Variants in WDR7 observed in about 807,000 individuals in gnomAD.
The protein encoded by WDR7 is WD repeat-containing protein 7.
In WDR7, 46 loss-of-function variants were observed where a neutral mutation model predicts 169.4. The ratio of observed to expected loss-of-function variants is 0.27; its 90% CI spans 0.21 to 0.35. The LOEUF is 0.35. Among genes scored for constraint, WDR7 ranks in the 10% least tolerant of loss-of-function variants. The pLI is 1.00. For missense variants in WDR7, 1,534 were observed against 1,859.3 expected (o/e 0.83, Z 3.22); for synonymous variants, 612 against 666.8 (o/e 0.92, Z 1.27).
In WDR7 at chr18:56,785,154, C is replaced by T. The variant is rs116541123; in HGVS notation, c.3190+3498C>T. On this transcript the variant is annotated intron_variant, in intron 19 of 27. Transcript: ENST00000254442. ...GCTTACAACAAATGAGGAATGACCA[C>T]ATAGGGCTGTTGAACAGATTTGCTG... Among the ~76,000 whole-genome samples, 132 of 152,284 alleles carry T rather than the reference C, an allele frequency of 8.7e-4. No individual in the cohort carries two copies. The East Asian group carries it at 8.7e-3, about 10-fold the overall frequency.
intron 20 of WDR7, among the ~76,000 whole-genome samples, chr18:56,832,837 C>A (rs1198216339): frequency 6.6e-6 from 1 of 152,100 alleles, no homozygotes. Flanking sequence ...CTGAAGGTCA[C>A]CAACAGAAAA....
At chr18:56,799,869 G>A (rs1367428313) in intron 19 of WDR7, among the ~76,000 whole-genome samples, 1 of 152,152 alleles carries the variant, frequency 6.6e-6, no homozygotes, top group African/African-American at 2.4e-5. Flanking sequence ...CTCTGTAAGA[G>A]TAATTGATCT....
chr18:56,662,915 C>T (rs2024935812), intron 1 of WDR7, among the ~76,000 whole-genome samples: 1 of 152,170 alleles, frequency 6.6e-6, no homozygotes, highest in Non-Finnish European at 1.5e-5. Context: ...TTAGCCTGTT[C>T]AGGCTGCCAT....
At chr18:56,688,192 A>G (rs924253298) in intron 7 of WDR7, among the ~76,000 whole-genome samples, 3 of 152,106 alleles carry the variant, frequency 2.0e-5, no homozygotes, top group Admixed American at 6.5e-5. Flanking sequence ...TCTCATTACT[A>G]CTATGCTGTA....
intron 26 of WDR7, among the ~76,000 whole-genome samples, chr18:56,977,062 T>G (rs1599212465): frequency 6.6e-6 from 1 of 152,344 alleles, no homozygotes; most frequent in East Asian, 1.9e-4. Context: ...TAAAGCAGCT[T>G]CTTTGCCTGT....
chr18:56,743,095 G>A (rs77699334), intron 14 of WDR7, among the ~76,000 whole-genome samples: 1,877 of 152,256 alleles, frequency 0.012, 47 homozygotes, highest in African/African-American at 0.041. Context: ...CTTAGGTATG[G>A]GTGGTAAGGA....
intron 26 of WDR7, among the ~76,000 whole-genome samples, chr18:56,975,400 G>A (rs1397314704): frequency 6.6e-6 from 1 of 152,048 alleles, no homozygotes; most frequent in Non-Finnish European, 1.5e-5. Context: ...TTTTGTTTTT[G>A]TTATGCCTGA....
chr18:56,951,584 A>G, intron 25 of WDR7, among the ~76,000 whole-genome samples: 1 of 152,294 alleles, frequency 6.6e-6, no homozygotes, highest in South Asian at 2.1e-4. Flanking sequence ...CAGAATATAT[A>G]TAATTCCCTA....
At chr18:56,764,231 T>G (rs77596714) in intron 16 of WDR7, among the ~76,000 whole-genome samples, 4,737 of 152,292 alleles carry the variant, frequency 0.031, 110 homozygotes, top group Middle Eastern at 0.13. Context: ...CATATTGTAC[T>G]TTTAATTTTC....
chr18:56,740,075 G>A (rs550715520), intron 14 of WDR7, among the ~76,000 whole-genome samples: 14 of 151,750 alleles, frequency 9.2e-5, no homozygotes, highest in African/African-American at 2.4e-4. Context: ...ATTGTTTTTC[G>A]TAGGTTTCAT....
intron 21 of WDR7, among the ~76,000 whole-genome samples, chr18:56,900,084 A>G (rs3982416): frequency 8.7e-3 from 90 of 10,372 alleles, no homozygotes; most frequent in South Asian, 0.024. Context: ...GTGTGTGTGT[A>G]TATATATATA....
chr18:56,751,145 T>A (rs2043784650), intron 14 of WDR7, among the ~76,000 whole-genome samples: 1 of 152,158 alleles, frequency 6.6e-6, no homozygotes, highest in Non-Finnish European at 1.5e-5. Context: ...GAAGCTCTAA[T>A]AAGAGGAATC....
At chr18:56,872,273 A>G (rs1435991390) in intron 20 of WDR7, among the ~76,000 whole-genome samples, 1 of 152,180 alleles carries the variant, frequency 6.6e-6, no homozygotes, top group African/African-American at 2.4e-5. Flanking sequence ...GCCAATTAAC[A>G]TGATCTTTAG....
intron 22 of WDR7, among the ~76,000 whole-genome samples, chr18:56,926,220 A>G (rs572776356): frequency 6.6e-6 from 1 of 152,306 alleles, no homozygotes; most frequent in African/African-American, 2.4e-5. Flanking sequence ...TGCCTATAGT[A>G]CGAGGCAGCT....
At chr18:56,682,881 T>G (rs1373392561) in intron 5 of WDR7, 28 bp downstream of exon 5, 1 of 1,596,110 alleles carries the variant, frequency 6.3e-7, no homozygotes, top group Non-Finnish European at 8.5e-7. Context: ...GTTAGGAGCT[T>G]TAGCACCATG....
intron 19 of WDR7, among the ~76,000 whole-genome samples, chr18:56,801,535 A>G (rs2044672304): frequency 6.6e-6 from 1 of 152,236 alleles, no homozygotes; most frequent in African/African-American, 2.4e-5. Context: ...TAAATGGTCA[A>G]ATATCCATCA....
rs190219820 is a variant in WDR7 at position 56,854,135 on chromosome 18, C to A, written c.3305-25809C>A. On this transcript the variant is annotated intron_variant, in intron 20 of 27. Coordinates refer to ENST00000254442, the MANE Select transcript of WDR7 (RefSeq NM_015285.3). ...TTGACTAAATGTACGGGGATTTCTCCCCTCCAGCAAGCAAACAATCAGTTC... is the reference window on the plus strand; with the variant it reads ...TTGACTAAATGTACGGGGATTTCTCACCTCCAGCAAGCAAACAATCAGTTC... Among the ~76,000 whole-genome samples the A allele has an allele frequency of 1.9e-3, 282 of 152,278 alleles. 1 individual carries two copies. The highest frequency in any genetic ancestry group is 6.4e-3 in the African/African-American group (268 of 41,558).
At chr18:56,971,130 A>G (rs28711496) in intron 26 of WDR7, among the ~76,000 whole-genome samples, 13,386 of 151,850 alleles carry the variant, frequency 0.088, 1,848 homozygotes, top group African/African-American at 0.3. Context: ...AAATTAGCTG[A>G]GCATGGTGAT....
intron 20 of WDR7, among the ~76,000 whole-genome samples, chr18:56,829,140 T>G (rs1418687869): frequency 2.7e-5 from 4 of 149,676 alleles, no homozygotes; most frequent in Non-Finnish European, 5.9e-5. Context: ...AAAAAAAAAT[T>G]TAGCTGAGTG....
Sources: gnomAD v4.1 joint callset for allele counts (sites outside exome capture counted in the v4.1 genomes callset) on GRCh38, gnomAD v4.1.1 for gene constraint, MANE v1.5 for transcripts, NCBI Gene and HGNC (gene_info 2026-07-23, HGNC 2026-07-21) for gene names.